CEP128: variants seen among roughly 807,000 people sequenced by gnomAD.
CEP128 encodes the protein centrosomal protein 128.
CEP128 carries 132 observed loss-of-function variants against 156.7 expected under a neutral mutation model. The ratio of observed to expected loss-of-function variants is 0.84; its 90% CI spans 0.73 to 0.97. The LOEUF is 0.97. Among genes scored for constraint, CEP128 ranks in the 50% least tolerant of loss-of-function variants. The probability of loss-of-function intolerance (pLI) is 0.00; values close to 1 mark genes in which losing one functional copy is unlikely to be tolerated. For missense variants in CEP128, 1,252 were observed against 1,281.9 expected, an observed-to-expected ratio of 0.98 and a Z score of 0.36; for synonymous variants, 469 against 448.9, an observed-to-expected ratio of 1.04 and a Z score of -0.57.
At chr14:80,627,304 T>C (rs1175199222) in intron 19 of CEP128, among the ~76,000 whole-genome samples, 6 of 152,242 alleles carry the variant, frequency 3.9e-5, no homozygotes, top group Admixed American at 3.9e-4. Flanking sequence ...TCCCAAGTCA[T>C]TAAATAAATG....
chr14:80,661,917 C>T (rs1895418249), intron 19 of CEP128, among the ~76,000 whole-genome samples: 1 of 152,136 alleles, frequency 6.6e-6, no homozygotes. Flanking sequence ...TGAAAAACAT[C>T]AATTGCTTAA....
chr14:80,753,576 C>A (rs945931953), intron 18 of CEP128, among the ~76,000 whole-genome samples: 1 of 152,196 alleles, frequency 6.6e-6, no homozygotes, highest in African/African-American at 2.4e-5. Context: ...CTGGCCTGCG[C>A]TAGATTTGAC....
At chr14:80,520,437 C>CAAAA (rs200662681) in intron 23 of CEP128, among the ~76,000 whole-genome samples, 70 of 115,108 alleles carry the variant, frequency 6.1e-4, no homozygotes, top group Admixed American at 1.2e-3. Flanking sequence ...AACAAACAAA[C>CAAAA]AAACAAAAAA....
intron 8 of CEP128, among the ~76,000 whole-genome samples, chr14:80,893,811 T>A (rs10438029): frequency 0.065 from 9,933 of 151,952 alleles, 1,073 homozygotes; most frequent in African/African-American, 0.23. Flanking sequence ...AGTGGAATAC[T>A]GGCATTTGGA....
chr14:80,814,271 T>C (rs780791085), intron 13 of CEP128, among the ~76,000 whole-genome samples: 9 of 152,198 alleles, frequency 5.9e-5, no homozygotes, highest in Non-Finnish European at 1.2e-4. Context: ...GGACTCCAAT[T>C]ATCTATATCT....
chr14:80,540,401 C>A (rs1889701434), intron 21 of CEP128, among the ~76,000 whole-genome samples: 1 of 152,136 alleles, frequency 6.6e-6, no homozygotes. Flanking sequence ...CAGGTTCCCC[C>A]AGTAAGGATA....
chr14:80,533,708 A>T (rs1889341759), intron 21 of CEP128, among the ~76,000 whole-genome samples: 1 of 151,978 alleles, frequency 6.6e-6, no homozygotes, highest in Admixed American at 6.6e-5. Context: ...CAATCTTTAT[A>T]CTTCCTCACT....
At chr14:80,756,173 C>T (rs76283367) in intron 18 of CEP128, among the ~76,000 whole-genome samples, 1,579 of 152,260 alleles carry the variant, frequency 0.01, 28 homozygotes, top group African/African-American at 0.036. Flanking sequence ...GACAGCAAAA[C>T]GTGTATTCTA....
intron 21 of CEP128, among the ~76,000 whole-genome samples, chr14:80,534,226 C>CT (rs35555388): frequency 8.1e-4 from 122 of 150,152 alleles, no homozygotes; most frequent in South Asian, 5.9e-3. Flanking sequence ...AACATTGCAA[C>CT]TTTTTTTTTT....
chr14:80,865,119 C>T (rs1341283183), intron 8 of CEP128, among the ~76,000 whole-genome samples: 1 of 152,176 alleles, frequency 6.6e-6, no homozygotes, highest in African/African-American at 2.4e-5. Flanking sequence ...CACCATTCCA[C>T]TCTCTGCTTC....
chr14:80,818,334 T>A (rs1369664306), intron 13 of CEP128, among the ~76,000 whole-genome samples: 1 of 152,184 alleles, frequency 6.6e-6, no homozygotes, highest in Non-Finnish European at 1.5e-5. Context: ...AATTCTTATA[T>A]CCAGCAAAAC....
In CEP128 at chr14:80,918,900, G is replaced by C. The variant is rs1370438601; in HGVS notation, c.-15-2338C>G. ...ATCAATCCACTGGTCCCAGATTAAG[G>C]GGTTTTTGTTTCCTTATTCCTTTTA... is the stretch of plus-strand genomic sequence containing the variant. On this transcript the variant is annotated intron_variant, in intron 2 of 24. Coordinates refer to ENST00000555265, the MANE Select transcript of CEP128 (RefSeq NM_152446.5). 2.0e-5 allele frequency among the ~76,000 whole-genome samples: 3 copies of C among 151,962 alleles called. No individual in the cohort carries two copies. In the East Asian group the frequency reaches 5.8e-4, roughly 29 times the overall value.
At chr14:80,738,894 C>T (rs1898670123) in intron 19 of CEP128, among the ~76,000 whole-genome samples, 1 of 152,128 alleles carries the variant, frequency 6.6e-6, no homozygotes, top group African/African-American at 2.4e-5. Context: ...ATGTATATGG[C>T]CAGAATAATC....
intron 19 of CEP128, among the ~76,000 whole-genome samples, chr14:80,692,730 C>T (rs1454125069): frequency 6.6e-6 from 1 of 152,154 alleles, no homozygotes; most frequent in Non-Finnish European, 1.5e-5. Context: ...TAGATCATCT[C>T]TAAGAATCCT....
chr14:80,802,770 T>C (rs1883953135), intron 13 of CEP128, among the ~76,000 whole-genome samples: 1 of 152,190 alleles, frequency 6.6e-6, no homozygotes, highest in Non-Finnish European at 1.5e-5. Flanking sequence ...GAGAATAACA[T>C]GATTAGGTAT....
intron 9 of CEP128, among the ~76,000 whole-genome samples, chr14:80,859,608 A>C (rs1318997211): frequency 6.6e-6 from 1 of 152,176 alleles, no homozygotes; most frequent in Non-Finnish European, 1.5e-5. Context: ...TGTGACTTCA[A>C]TAGCACATGA....
intron 13 of CEP128, among the ~76,000 whole-genome samples, chr14:80,802,835 A>C (rs752033018): frequency 2.0e-5 from 3 of 152,200 alleles, no homozygotes; most frequent in Non-Finnish European, 4.4e-5. Context: ...AGGATATTAA[A>C]TATTATGGCA....
intron 8 of CEP128, among the ~76,000 whole-genome samples, chr14:80,875,784 AG>A (rs1296990590): frequency 6.6e-6 from 1 of 152,174 alleles, no homozygotes; most frequent in Non-Finnish European, 1.5e-5. Flanking sequence ...CTCGCCCTAA[AG>A]GGAATTTTAA....
intron 2 of CEP128, among the ~76,000 whole-genome samples, chr14:80,917,473 C>G (rs1050341229): frequency 1.3e-5 from 2 of 152,168 alleles, no homozygotes; most frequent in African/African-American, 4.8e-5. Flanking sequence ...TTCCTAAAAT[C>G]TATATGGCCA....
Sources: allele counts gnomAD v4.1 joint callset (sites outside exome capture counted in the v4.1 genomes callset), GRCh38; gene constraint gnomAD v4.1.1; transcripts MANE v1.5; gene names NCBI Gene and HGNC (gene_info 2026-07-23, HGNC 2026-07-21).